Variants in TRIM2 observed in about 807,000 individuals in gnomAD.
The protein encoded by TRIM2 is tripartite motif containing 2, also known as tripartite motif-containing protein 2.
Under a neutral mutation model 75.2 loss-of-function variants are expected in TRIM2, and 20 were observed. The observed-to-expected ratio is 0.27, with a 90% CI of 0.19 to 0.39. TRIM2 has a LOEUF of 0.39. TRIM2 is among the 10% of genes least tolerant of loss of function. The pLI is 1.00. For synonymous variants in TRIM2, 373 were observed against 388.3 expected, an observed-to-expected ratio of 0.96 and a Z score of 0.46; for missense variants, 660 against 990.8, an observed-to-expected ratio of 0.67 and a Z score of 4.48.
chr4:153,213,283 C>T (rs1228503218), intron 1 of TRIM2, among the ~76,000 whole-genome samples: 2 of 152,178 alleles, frequency 1.3e-5, no homozygotes, highest in Non-Finnish European at 2.9e-5. Context: ...GTGATGCCTC[C>T]AGGGTACATT....
chr4:153,264,754 T>A (rs910748102), intron 1 of TRIM2, among the ~76,000 whole-genome samples: 2 of 152,182 alleles, frequency 1.3e-5, no homozygotes, highest in East Asian at 1.9e-4. Flanking sequence ...GAGCACATTG[T>A]CCCATTAGGA....
intron 1 of TRIM2, among the ~76,000 whole-genome samples, chr4:153,180,420 C>T (rs1027564190): frequency 2.6e-5 from 4 of 152,320 alleles, no homozygotes; most frequent in Middle Eastern, 3.4e-3. Flanking sequence ...ACCCCCTGGT[C>T]CTGAGGCTTA....
Position 153,337,927 on chromosome 4 carries a change from G to A in TRIM2, c.*2961G>A. The A allele has an allele frequency of 1.0e-6, 1 of 985,782 alleles. No homozygotes were observed. The highest frequency in any genetic ancestry group is 1.2e-6 in the Non-Finnish European group (1 of 829,928). The allele number at this position is 985,782 out of a possible 1,614,324, so 61.1% of individuals were successfully genotyped here. ...CCCAGCCCCCCTTGCTGGACATGGG[G>A]AGGCAGAGAGTCACTTGACCATCCA... On this transcript the variant is annotated 3_prime_UTR_variant, in exon 12 of 12. Coordinates refer to ENST00000338700, the MANE Select transcript of TRIM2 (RefSeq NM_015271.5).
intron 1 of TRIM2, among the ~76,000 whole-genome samples, chr4:153,170,392 C>T (rs950820822): frequency 1.7e-4 from 26 of 152,026 alleles, no homozygotes; most frequent in East Asian, 7.7e-4. Flanking sequence ...CATGTTTAAC[C>T]GGACCCCAGC....
intron 1 of TRIM2, among the ~76,000 whole-genome samples, chr4:153,224,171 GGT>G (rs1201352640): frequency 6.6e-6 from 1 of 152,074 alleles, no homozygotes; most frequent in African/African-American, 2.4e-5. Context: ...AAAGAGCAGG[GGT>G]GAGTCAGAAG....
intron 1 of TRIM2, among the ~76,000 whole-genome samples, chr4:153,267,850 A>G (rs1356925146): frequency 6.6e-6 from 1 of 151,854 alleles, no homozygotes; most frequent in African/African-American, 2.4e-5. Flanking sequence ...CTGCCTAGAT[A>G]GAGCCAATTT....
chr4:153,197,618 C>T (rs1291871314), intron 1 of TRIM2, among the ~76,000 whole-genome samples: 1 of 152,018 alleles, frequency 6.6e-6, no homozygotes, highest in African/African-American at 2.4e-5. Flanking sequence ...ATGCCTGTAA[C>T]CCCAGCACTA....
chr4:153,252,489 A>G (rs902128324), intron 1 of TRIM2, among the ~76,000 whole-genome samples: 1 of 152,194 alleles, frequency 6.6e-6, no homozygotes, highest in Non-Finnish European at 1.5e-5. Context: ...GTTAGCTTTG[A>G]GGATCAAAGA....
intron 1 of TRIM2, among the ~76,000 whole-genome samples, chr4:153,170,263 A>G (rs997488488): frequency 2.1e-4 from 32 of 152,354 alleles, no homozygotes; most frequent in African/African-American, 7.5e-4. Context: ...GTTAATCTAC[A>G]TTGACAAATT....
At chr4:153,249,596 C>G (rs1013672395) in intron 1 of TRIM2, among the ~76,000 whole-genome samples, 1 of 149,314 alleles carries the variant, frequency 6.7e-6, no homozygotes, top group African/African-American at 2.6e-5. Context: ...GGCCACCTCC[C>G]TGCTCCCGCC....
At position 153,204,567 on chromosome 4, in the gene TRIM2, A is replaced by G; in HGVS notation, c.30+7A>G. On this transcript the variant is annotated splice_region_variant and intron_variant, in intron 1 of 11. Transcript: ENST00000338700. ...TGGCCGTTATGGAACGCAGGTAAGGACGCTTCTCAATGTGGGATAATTCTT... is the reference window on the plus strand; with the variant it reads ...TGGCCGTTATGGAACGCAGGTAAGGGCGCTTCTCAATGTGGGATAATTCTT... The G allele has an allele frequency of 1.3e-6, 2 of 1,551,678 alleles. No individual in the cohort carries two copies. Among genetic ancestry groups the G allele is most frequent in the South Asian group, 1.2e-5 (1 of 84,056 alleles).
At chr4:153,313,627 C>CTTTTTTTTTTTTTTTTTTTTTTTT (rs398051309) in intron 6 of TRIM2, among the ~76,000 whole-genome samples, 1 of 98,528 alleles carries the variant, frequency 1.0e-5, no homozygotes, top group African/African-American at 4.5e-5. Flanking sequence ...AGCAATGGCT[C>CTTTTTTTTTTTTTTTTTTTTTTTT]TTTTTTTTTT....
At chr4:153,169,924 G>C (rs1730678863) in intron 1 of TRIM2, among the ~76,000 whole-genome samples, 1 of 152,152 alleles carries the variant, frequency 6.6e-6, no homozygotes, top group South Asian at 2.1e-4. Flanking sequence ...CTCCACAATG[G>C]CCGTCTACAC....
In TRIM2 at chr4:153,322,668, G is replaced by A; in HGVS notation, c.1803G>A (p.Lys601=). ...GKFKTKIGSG[K]LMGPKGVSVD... The stretch of plus-strand genomic sequence containing the variant: ...AACAGACAAAAATTGGATCAGGAAA[G>A]CTGATGGGACCCAAAGGAGTTTCTG... Residue 601 remains lysine, a synonymous_variant, in exon 9 of 12, where the codon AAG becomes AAA. Transcript: ENST00000338700. 1.2e-6 allele frequency: 2 copies of A among 1,613,858 alleles called. No individual in the cohort carries two copies. The highest frequency in any genetic ancestry group is 8.5e-7 in the Non-Finnish European group (1 of 1,179,820).
rs1051493161 is a variant in TRIM2, at chr4:153,335,127, T to C, written c.*161T>C. 7 of 1,293,490 alleles carry C rather than the reference T, an allele frequency of 5.4e-6. No homozygotes were observed. In the African/African-American group the frequency reaches 1.1e-4, roughly 19 times the overall value. 80.1% of individuals were successfully genotyped at this position (1,293,490 alleles called of 1,614,324 possible). A position where few individuals can be genotyped will look rare whatever the true frequency, so the allele number is the denominator to read the frequency against. ...ATGTAACAATTTCCTTAAAAATGAC[T>C]TATCCAATTTCTGTATTTCACCTTT... On this transcript the variant is annotated 3_prime_UTR_variant, in exon 12 of 12. Coordinates refer to ENST00000338700, the MANE Select transcript of TRIM2 (RefSeq NM_015271.5).
chr4:153,202,200 C>A (rs755836521), upstream of TRIM2, among the ~76,000 whole-genome samples: 9 of 152,156 alleles, frequency 5.9e-5, no homozygotes, highest in Non-Finnish European at 1.2e-4. Flanking sequence ...AAAATAAATA[C>A]GTTTCAACAT....
At chr4:153,276,995 G>T (rs1362508716) in intron 3 of TRIM2, among the ~76,000 whole-genome samples, 3 of 151,984 alleles carry the variant, frequency 2.0e-5, no homozygotes, top group African/African-American at 4.8e-5. Context: ...TTGTATATTG[G>T]TCACTTCAAA....
rs368283907 is a variant in TRIM2 at position 153,155,261 on chromosome 4, A to C, written c.-49+1991A>C. Among the ~76,000 whole-genome samples, 4 of 152,342 alleles carry C rather than the reference A, an allele frequency of 2.6e-5. No individual in the cohort carries two copies. The East Asian group carries it at 7.7e-4, about 29-fold the overall frequency. ...AAAAACCAGATGATGATTAAGTAGAAGTGTTGTTAAAAGAAATAAATGTGA... is the reference window on the plus strand; with the variant it reads ...AAAAACCAGATGATGATTAAGTAGACGTGTTGTTAAAAGAAATAAATGTGA... On this transcript the variant is annotated intron_variant, in intron 1 of 11. Transcript: ENST00000437508.
upstream of TRIM2, among the ~76,000 whole-genome samples, chr4:153,204,146 T>A (rs972287341): frequency 2.6e-5 from 4 of 152,180 alleles, no homozygotes; most frequent in African/African-American, 9.7e-5. Flanking sequence ...AAATACATAT[T>A]ATTATGTGTG....
Sources: allele counts gnomAD v4.1 joint callset (sites outside exome capture counted in the v4.1 genomes callset), GRCh38; gene constraint gnomAD v4.1.1; transcripts MANE v1.5; gene names NCBI Gene and HGNC (gene_info 2026-07-23, HGNC 2026-07-21).